The following DNAH3 variants were observed in gnomAD, a reference collection of about 807,000 sequenced individuals.
DNAH3 encodes axonemal beta dynein heavy chain 3.
Under a neutral mutation model 432.5 loss-of-function variants are expected in DNAH3, and 332 were observed. The observed-to-expected ratio is 0.77, with a 90% CI of 0.70 to 0.84. The LOEUF (loss-of-function observed/expected upper bound fraction) is 0.84. Among genes scored for constraint, DNAH3 ranks in the 40% least tolerant of loss-of-function variants. The pLI is 0.00. For synonymous variants in DNAH3, 1,956 were observed against 1,900.2 expected, an observed-to-expected ratio of 1.03 and a Z score of -0.76; for missense variants, 4,861 against 5,114.0, an observed-to-expected ratio of 0.95 and a Z score of 1.51.
Position 21,005,187 on chromosome 16 carries a change from CTT to C in DNAH3, c.6023-1982_6023-1981del, listed in dbSNP as rs1312735625. ...TTTCTTTCTTTTTCTTTTTCTTTCTCTTTCTCTCTCCCTCCTTCCCTCTCTCC... is the reference window on the plus strand; with the variant it reads ...TTTCTTTCTTTTTCTTTTTCTTTCTCTCTCTCTCCCTCCTTCCCTCTCTCC... On this transcript the variant is annotated intron_variant, in intron 41 of 61. Transcript: ENST00000261383. 4.0e-5 allele frequency among the ~76,000 whole-genome samples: 6 copies of C among 150,460 alleles called. No individual in the cohort carries two copies. The East Asian group carries it at 1.2e-3, about 29-fold the overall frequency.
chr16:21,090,962 G>A (rs1164504507), intron 18 of DNAH3, among the ~76,000 whole-genome samples: 1 of 151,874 alleles, frequency 6.6e-6, no homozygotes, highest in Non-Finnish European at 1.5e-5. Context: ...GACCGGCCTG[G>A]GCAACATGGC....
chr16:21,104,523 G>T (rs147238151), exon 16 of DNAH3: 1 of 1,613,882 alleles, frequency 6.2e-7, no homozygotes, highest in African/African-American at 1.3e-5. Flanking sequence ...AGCAAGTTCC[G>T]GCTGTTGTCA....
At chr16:21,074,045 A>C (rs2090889897) in intron 21 of DNAH3, among the ~76,000 whole-genome samples, 1 of 152,138 alleles carries the variant, frequency 6.6e-6, no homozygotes, top group African/African-American at 2.4e-5. Flanking sequence ...GATTAAATAA[A>C]ATTTTAATGC....
At chr16:20,997,316 C>T (rs1204907507) in exon 44 of DNAH3, 5 of 1,614,126 alleles carry the variant, frequency 3.1e-6, no homozygotes, top group Non-Finnish European at 4.2e-6. Flanking sequence ...CCGGGGGGCC[C>T]CATGGCTGTC....
At chr16:21,125,465 G>A (rs2092429114) in intron 8 of DNAH3, 95 bp from the exon 10 acceptor site, 1 of 990,294 alleles carries the variant, frequency 1.0e-6, no homozygotes, top group Non-Finnish European at 1.4e-6. Context: ...AGGCAGATGG[G>A]CTCAATGTCC....
chr16:20,970,061 A>G (rs552658804), intron 51 of DNAH3, 71 bp from the exon 52 acceptor site: 1 of 1,402,680 alleles, frequency 7.1e-7, no homozygotes, highest in Non-Finnish European at 1.0e-6. Context: ...GCAGAGCTCC[A>G]CTCCTACATG....
Position 21,021,938 on chromosome 16 carries a change from C to A in DNAH3, c.5776+33G>T, listed in dbSNP as rs764085541. On this transcript the variant is annotated intron_variant, in intron 40 of 61. Coordinates refer to ENST00000261383, the Ensembl canonical transcript of DNAH3. ...GAAATAGCCAAGGTAGACCCACCCC[C>A]CATGTGGCTTAAGAATCATGGCTAG... is the stretch of plus-strand genomic sequence containing the variant. The A allele has an allele frequency of 3.7e-5, 59 of 1,611,452 alleles. No homozygotes were observed. The East Asian group carries it at 1.3e-3, about 35-fold the overall frequency.
In DNAH3 at chr16:20,944,966, T is replaced by C. The variant is rs535045987; in HGVS notation, c.11344-303A>G. Among the ~76,000 whole-genome samples the C allele has an allele frequency of 6.6e-5, 10 of 152,252 alleles. No homozygotes were observed. The South Asian group carries it at 2.1e-3, about 32-fold the overall frequency. On this transcript the variant is annotated intron_variant, in intron 57 of 61. Coordinates refer to ENST00000261383, the Ensembl canonical transcript of DNAH3. The stretch of plus-strand genomic sequence containing the variant: ...GAACTGAGTTTGGATCCTAGCTCCA[T>C]CCCAAACTGTCAGAGGCATTCGAAC...
At position 20,959,419 on chromosome 16, in the gene DNAH3, A is replaced by G; in HGVS notation, c.10601-15T>C. ...CTTCAGCAGGCCTGAGACCAGGAAGAAAGGAGGCTTTTGAAAGACGACAGG... is the reference window on the plus strand; with the variant it reads ...CTTCAGCAGGCCTGAGACCAGGAAGGAAGGAGGCTTTTGAAAGACGACAGG... On this transcript the variant is annotated splice_polypyrimidine_tract_variant and intron_variant, in intron 53 of 61. Transcript: ENST00000261383. 2 of 1,605,978 alleles carry G rather than the reference A, an allele frequency of 1.2e-6. No homozygotes were observed. Among genetic ancestry groups the G allele is most frequent in the Non-Finnish European group, 1.7e-6 (2 of 1,173,278 alleles).
intron 16 of DNAH3, among the ~76,000 whole-genome samples, chr16:21,100,494 A>G (rs1807586110): frequency 6.6e-6 from 1 of 152,262 alleles, no homozygotes. Context: ...ACTCATTAAA[A>G]TGGTGAACAT....
chr16:21,074,711 C>T (rs950137625), intron 21 of DNAH3, among the ~76,000 whole-genome samples: 12 of 151,910 alleles, frequency 7.9e-5, no homozygotes, highest in African/African-American at 2.9e-4. Flanking sequence ...AAGGCTCCAT[C>T]TCAAAAAAAG....
chr16:21,005,921 ATTATG>A (rs1476089640), intron 41 of DNAH3, among the ~76,000 whole-genome samples: 5 of 151,514 alleles, frequency 3.3e-5, no homozygotes, highest in African/African-American at 9.7e-5. Flanking sequence ...CAATAATTTA[ATTATG>A]TTATATTTTC....
chr16:20,942,315 A>G (rs1045937955), intron 58 of DNAH3, among the ~76,000 whole-genome samples: 13 of 152,200 alleles, frequency 8.5e-5, no homozygotes, highest in African/African-American at 2.9e-4. Flanking sequence ...TTGGAGCAAG[A>G]AAAGCACAGA....
chr16:20,993,446 A>T (rs2086639476), intron 44 of DNAH3, among the ~76,000 whole-genome samples: 3 of 152,246 alleles, frequency 2.0e-5, no homozygotes, highest in East Asian at 1.9e-4. Context: ...GAAATGGCTT[A>T]AAAAAATAAT....
At position 21,040,358 on chromosome 16, in the gene DNAH3, A is replaced by ATCTTTTTTTTTTT. The variant is rs771791969; in HGVS notation, c.4639-416_4639-415insAAAAAAAAAAAGA. On this transcript the variant is annotated intron_variant, in intron 32 of 61. Coordinates refer to ENST00000261383, the Ensembl canonical transcript of DNAH3. ...TCAGAAGAATCCCAAAGCCAGACAG[A>ATCTTTTTTTTTTT]TTTTTTTTTTTTTTTTTTTTTTTTT... is the stretch of plus-strand genomic sequence containing the variant. Among the ~76,000 whole-genome samples the ATCTTTTTTTTTTT allele has an allele frequency of 9.1e-3, 724 of 79,730 alleles. 128 individuals are homozygous for ATCTTTTTTTTTTT. The highest frequency in any genetic ancestry group is 0.015 in the African/African-American group (258 of 17,758). The allele number at this position is 79,730 out of a possible 152,430, so 52.3% of individuals were successfully genotyped here.
intron 39 of DNAH3, 142 bp downstream of exon 39, chr16:21,024,454 A>G (rs1336879571): frequency 6.7e-6 from 4 of 595,466 alleles, no homozygotes; most frequent in East Asian, 3.3e-5. Flanking sequence ...CAGCCAGGAA[A>G]CAAGATAACT....
chr16:21,056,302 C>A (rs180840594), intron 27 of DNAH3, among the ~76,000 whole-genome samples: 204 of 152,226 alleles, frequency 1.3e-3, no homozygotes, highest in African/African-American at 4.8e-3. Flanking sequence ...TTCTTAGACA[C>A]CACTTTTCTG....
chr16:20,999,937 C>T lies in DNAH3; in HGVS notation c.6421+287G>A, dbSNP rs61354646. On this transcript the variant is annotated intron_variant, in intron 43 of 61. Transcript: ENST00000261383. The stretch of plus-strand genomic sequence containing the variant: ...CAGCCCCCTTCTGAAATTACTACTT[C>T]CACTACAAGGAAGAGAGGAAGGAAA... Among the ~76,000 whole-genome samples, 194 of 149,508 alleles carry T rather than the reference C, an allele frequency of 1.3e-3. 1 individual carries two copies. Among genetic ancestry groups the T allele is most frequent in the African/African-American group, 4.2e-3 (172 of 40,542 alleles).
At chr16:21,118,915 G>C (rs1483581984) in intron 11 of DNAH3, among the ~76,000 whole-genome samples, 1 of 152,184 alleles carries the variant, frequency 6.6e-6, no homozygotes, top group Admixed American at 6.5e-5. Flanking sequence ...AAAGATTTTA[G>C]TGGCTGGTCT....
Sources: gnomAD v4.1 joint callset for allele counts (sites outside exome capture counted in the v4.1 genomes callset) on GRCh38, gnomAD v4.1.1 for gene constraint, MANE v1.5 for transcripts, NCBI Gene and HGNC (gene_info 2026-07-23, HGNC 2026-07-21) for gene names.